YWHAE: variants seen among roughly 807,000 people sequenced by gnomAD.
The protein encoded by YWHAE is tyrosine 3-monooxygenase/tryptophan 5-monooxygenase activation protein epsilon.
Under a neutral mutation model 30.1 loss-of-function variants are expected in YWHAE, and 4 were observed. The ratio of observed to expected loss-of-function variants is 0.13; its 90% CI spans 0.07 to 0.30. The LOEUF is 0.30. Ranked by LOEUF, YWHAE falls within the 10% of genes least tolerant of loss-of-function variation. The pLI, the probability that YWHAE is intolerant of heterozygous loss-of-function variation, is 1.00. For synonymous variants in YWHAE, 118 were observed against 111.8 expected (o/e 1.06, Z -0.35); for missense variants, 121 against 315.9 (o/e 0.38, Z 4.68).
intron 5 of YWHAE, among the ~76,000 whole-genome samples, chr17:1,348,824 C>A (rs922193982): frequency 6.6e-6 from 1 of 151,800 alleles, no homozygotes; most frequent in African/African-American, 2.4e-5. Context: ...GAGATTGAGA[C>A]CATCCGGGTT....
Position 1,389,329 on chromosome 17 carries a change from G to A in YWHAE, c.64+10718C>T, listed in dbSNP as rs78218212. Among the ~76,000 whole-genome samples, 1,062 of 152,126 alleles carry A rather than the reference G, an allele frequency of 7.0e-3. 16 individuals are homozygous for A. The highest frequency in any genetic ancestry group is 0.025 in the African/African-American group (1,025 of 41,484). ...AGGTGTTCACAACAACCACTCCAAG[G>A]TCCTACAAAGTCTTCAGCTGACTAA... On this transcript the variant is annotated intron_variant, in intron 1 of 5. Coordinates refer to ENST00000264335, the MANE Select transcript of YWHAE (RefSeq NM_006761.5).
At chr17:1,348,172 C>G (rs1016380349) in intron 5 of YWHAE, among the ~76,000 whole-genome samples, 12 of 152,318 alleles carry the variant, frequency 7.9e-5, no homozygotes, top group Admixed American at 7.2e-4. Context: ...TACTCCTCCT[C>G]CCTTCTACTC....
At chr17:1,385,625 T>A (rs1478711818) in intron 1 of YWHAE, among the ~76,000 whole-genome samples, 1 of 151,952 alleles carries the variant, frequency 6.6e-6, no homozygotes, top group Non-Finnish European at 1.5e-5. Flanking sequence ...AAAGTAGGTT[T>A]TTCAGAGGGT....
At chr17:1,382,966 A>G (rs1217526924) in intron 1 of YWHAE, among the ~76,000 whole-genome samples, 1 of 151,146 alleles carries the variant, frequency 6.6e-6, no homozygotes, top group African/African-American at 2.4e-5. Flanking sequence ...CTGAGGTTGC[A>G]GTGAGCTGAC....
At chr17:1,365,953 C>T (rs1249687591) in intron 1 of YWHAE, among the ~76,000 whole-genome samples, 4 of 145,042 alleles carry the variant, frequency 2.8e-5, no homozygotes, top group Non-Finnish European at 6.0e-5. Flanking sequence ...CACAGTGGCT[C>T]ATGCCTGTAA....
At chr17:1,394,860 G>C (rs749697802) in intron 1 of YWHAE, among the ~76,000 whole-genome samples, 1 of 151,896 alleles carries the variant, frequency 6.6e-6, no homozygotes, top group South Asian at 2.1e-4. Flanking sequence ...CCAGCTACTC[G>C]GGAAGCAGAG....
chr17:1,344,327 G>A lies in YWHAE; in HGVS notation c.*1120C>T, dbSNP rs190253759. ...AAAATAAATACCATGTTGCTGCCTG[G>A]TCTGGAGGACAAGACACACCATCAA... On this transcript the variant is annotated 3_prime_UTR_variant, in exon 6 of 6. Coordinates refer to ENST00000264335, the MANE Select transcript of YWHAE (RefSeq NM_006761.5). The A allele has an allele frequency of 6.0e-6, 1 of 165,838 alleles. No homozygotes were observed. The highest frequency in any genetic ancestry group is 6.4e-5 in the Admixed American group (1 of 15,602). The allele number at this position is 165,838 out of a possible 1,614,324, so 10.3% of individuals were successfully genotyped here.
chr17:1,388,312 C>G (rs1215139516), intron 1 of YWHAE, among the ~76,000 whole-genome samples: 1 of 150,370 alleles, frequency 6.7e-6, no homozygotes, highest in African/African-American at 2.4e-5. Flanking sequence ...ATCAGGAGAT[C>G]AAGACCATCC....
intron 1 of YWHAE, among the ~76,000 whole-genome samples, chr17:1,387,725 C>A (rs1029796650): frequency 1.3e-5 from 2 of 151,922 alleles, no homozygotes; most frequent in Non-Finnish European, 2.9e-5. Context: ...CGAGTTCAAG[C>A]GATTCTGCTG....
chr17:1,354,180 G>A, intron 5 of YWHAE, 31 bp downstream of exon 5: 1 of 1,604,304 alleles, frequency 6.2e-7, no homozygotes, highest in Non-Finnish European at 8.5e-7. Flanking sequence ...GCAACTGAAA[G>A]AGGTGCCTGT....
chr17:1,393,781 C>CA (rs2073423929), intron 1 of YWHAE, among the ~76,000 whole-genome samples: 1 of 152,182 alleles, frequency 6.6e-6, no homozygotes, highest in East Asian at 1.9e-4. Context: ...AAAGAGGTGA[C>CA]ATCTGCCTAC....
At chr17:1,346,679 C>T (rs2072522921) in intron 5 of YWHAE, among the ~76,000 whole-genome samples, 1 of 152,132 alleles carries the variant, frequency 6.6e-6, no homozygotes, top group Admixed American at 6.6e-5. Flanking sequence ...ACAGTGAAGC[C>T]CTGTCTCTAC....
At chr17:1,370,300 TGTG>T (rs1441429860) in intron 1 of YWHAE, among the ~76,000 whole-genome samples, 2 of 151,102 alleles carry the variant, frequency 1.3e-5, no homozygotes, top group East Asian at 3.9e-4. Context: ...TGAATTTTTT[TGTG>T]TGTATTTTTA....
intron 1 of YWHAE, among the ~76,000 whole-genome samples, chr17:1,382,915 C>T (rs1193045870): frequency 6.6e-6 from 1 of 151,438 alleles, no homozygotes; most frequent in Non-Finnish European, 1.5e-5. Context: ...ATTCCAGCTA[C>T]TTGGGAGGCT....
Position 1,383,576 on chromosome 17 carries a change from A to T in YWHAE, c.64+16471T>A, listed in dbSNP as rs533534773. 7.0e-3 allele frequency among the ~76,000 whole-genome samples: 440 copies of T among 62,902 alleles called. 1 individual carries two copies. The highest frequency in any genetic ancestry group is 9.9e-3 in the African/African-American group (51 of 5,176). The allele number at this position is 62,902 out of a possible 152,430, so 41.3% of individuals were successfully genotyped here. ...GCAAGTTTTTGTATTTTTAGTAGAG[A>T]TGGGTTTCGCCATGTTGGCCAGGCT... On this transcript the variant is annotated intron_variant, in intron 1 of 5. Coordinates refer to ENST00000264335, the MANE Select transcript of YWHAE (RefSeq NM_006761.5).
At chr17:1,370,168 C>CT (rs375968893) in intron 1 of YWHAE, among the ~76,000 whole-genome samples, 3 of 137,174 alleles carry the variant, frequency 2.2e-5, no homozygotes, top group Admixed American at 8.2e-5. Context: ...CGCTCTGTCA[C>CT]CAGGCTGGAG....
At chr17:1,355,898 G>A (rs1329231475) in intron 4 of YWHAE, among the ~76,000 whole-genome samples, 1 of 152,094 alleles carries the variant, frequency 6.6e-6, no homozygotes, top group African/African-American at 2.4e-5. Context: ...GCCGGGTGCA[G>A]TGGCTCAAGC....
At chr17:1,367,068 T>G (rs1272203056) in intron 1 of YWHAE, among the ~76,000 whole-genome samples, 2 of 152,214 alleles carry the variant, frequency 1.3e-5, no homozygotes, top group Non-Finnish European at 2.9e-5. Context: ...CCATATTTTG[T>G]AAAGTCTCTT....
At chr17:1,359,915 C>G (rs540518223) in intron 4 of YWHAE, among the ~76,000 whole-genome samples, 13 of 16,552 alleles carry the variant, frequency 7.9e-4, no homozygotes, top group South Asian at 4.8e-3. Context: ...GAGAGGGAGA[C>G]GGGGAGGGGG....
Sources: allele counts gnomAD v4.1 joint callset (sites outside exome capture counted in the v4.1 genomes callset), GRCh38; gene constraint gnomAD v4.1.1; transcripts MANE v1.5; gene names NCBI Gene and HGNC (gene_info 2026-07-23, HGNC 2026-07-21).